FBN1: variants seen among roughly 807,000 people sequenced by gnomAD.
FBN1 encodes the protein fibrillin 1, also known as fibrillin-1.
Under a neutral mutation model 365.1 loss-of-function variants are expected in FBN1, and 29 were observed. The ratio of observed to expected loss-of-function variants is 0.08; its 90% CI spans 0.06 to 0.11. FBN1 has a LOEUF of 0.11. FBN1 is among the 10% of genes least tolerant of loss of function. FBN1 has a pLI of 1.00. For missense variants in FBN1, 2,476 were observed against 3,703.2 expected (o/e 0.67, Z 8.60); for synonymous variants, 1,210 against 1,270.5 (o/e 0.95, Z 1.01).
At chr15:48,508,007 A>T (rs899563272) in intron 15 of FBN1, among the ~76,000 whole-genome samples, 5 of 145,518 alleles carry the variant, frequency 3.4e-5, no homozygotes, top group Admixed American at 3.3e-4. Flanking sequence ...GGTTTACCAA[A>T]CTAAAAAAAT....
chr15:48,458,431 T>G (rs940700467), intron 43 of FBN1, among the ~76,000 whole-genome samples: 1 of 152,246 alleles, frequency 6.6e-6, no homozygotes, highest in African/African-American at 2.4e-5. Flanking sequence ...TACACGCAAT[T>G]ATGTCTTTAG....
intron 6 of FBN1, among the ~76,000 whole-genome samples, chr15:48,593,588 A>G (rs1010650557): frequency 2.6e-5 from 4 of 152,188 alleles, no homozygotes. Flanking sequence ...GCAAACAGCA[A>G]TTATTTCCAG....
chr15:48,414,871 G>A (rs1275464089), intron 64 of FBN1, among the ~76,000 whole-genome samples: 4 of 142,822 alleles, frequency 2.8e-5, no homozygotes, highest in East Asian at 2.1e-4. Flanking sequence ...ACTCCAGCCT[G>A]GGCGACAGAG....
intron 43 of FBN1, 95 bp downstream of exon 43, chr15:48,460,151 T>A (rs1397549560): frequency 1.2e-6 from 1 of 845,800 alleles, no homozygotes; most frequent in Non-Finnish European, 2.0e-6. Flanking sequence ...TTGTTTAATA[T>A]TTTTTTTCCT....
intron 29 of FBN1, among the ~76,000 whole-genome samples, chr15:48,486,637 A>G (rs1424170092): frequency 6.6e-6 from 1 of 152,202 alleles, no homozygotes; most frequent in Non-Finnish European, 1.5e-5. Context: ...TCTAAACCAC[A>G]TAAGGGCAGT....
At chr15:48,638,654 A>G (rs1890142970) in intron 2 of FBN1, among the ~76,000 whole-genome samples, 1 of 151,208 alleles carries the variant, frequency 6.6e-6, no homozygotes, top group African/African-American at 2.4e-5. Flanking sequence ...GCTGCAATTT[A>G]ATGTAAAAAA....
intron 63 of FBN1, among the ~76,000 whole-genome samples, chr15:48,418,695 TTTTG>T (rs561240381): frequency 6.9e-4 from 105 of 152,280 alleles, no homozygotes; most frequent in African/African-American, 2.3e-3. Flanking sequence ...TTGGTGAGGG[TTTTG>T]TTTGTTTTAT....
intron 17 of FBN1, 86 bp downstream of exon 17, chr15:48,503,701 A>T (rs1003523935): frequency 2.4e-5 from 38 of 1,585,182 alleles, no homozygotes; most frequent in Non-Finnish European, 3.2e-5. Flanking sequence ...GCAAAATGTC[A>T]TCTTCCCTGT....
chr15:48,615,399 G>A (rs1399360311), intron 2 of FBN1, among the ~76,000 whole-genome samples: 1 of 151,972 alleles, frequency 6.6e-6, no homozygotes, highest in Non-Finnish European at 1.5e-5. Flanking sequence ...AGAAACAAAG[G>A]ATCCAGAATA....
chr15:48,636,704 C>T (rs1164597958), intron 2 of FBN1, among the ~76,000 whole-genome samples: 3 of 152,152 alleles, frequency 2.0e-5, no homozygotes, highest in Non-Finnish European at 4.4e-5. Context: ...CCCAAGTAAA[C>T]AGGGCTGCAG....
chr15:48,484,928 A>T (rs2043493283), intron 30 of FBN1, among the ~76,000 whole-genome samples: 1 of 152,200 alleles, frequency 6.6e-6, no homozygotes. Context: ...ATTTGGAGAG[A>T]TTGTGAAAAC....
At chr15:48,595,290 C>A (rs1446948636) in intron 6 of FBN1, among the ~76,000 whole-genome samples, 1 of 152,222 alleles carries the variant, frequency 6.6e-6, no homozygotes, top group East Asian at 1.9e-4. Context: ...TATTCAACAT[C>A]TGCTACTGAA....
At chr15:48,493,544 G>A (rs1295474676) in intron 23 of FBN1, among the ~76,000 whole-genome samples, 6 of 152,152 alleles carry the variant, frequency 3.9e-5, no homozygotes, top group Non-Finnish European at 7.4e-5. Flanking sequence ...TTAACAGCGG[G>A]TCTGGACCAG....
chr15:48,568,320 TA>T (rs1033492564), intron 6 of FBN1, among the ~76,000 whole-genome samples: 2 of 152,064 alleles, frequency 1.3e-5, no homozygotes, highest in African/African-American at 4.8e-5. Flanking sequence ...CAAAAGTGCA[TA>T]ATTTGTGCAC....
chr15:48,601,397 A>G (rs777993792), intron 4 of FBN1, among the ~76,000 whole-genome samples: 2 of 152,238 alleles, frequency 1.3e-5, no homozygotes, highest in Non-Finnish European at 2.9e-5. Flanking sequence ...CTGCCTACAC[A>G]TGGAGGCCAG....
At chr15:48,455,235 A>G (rs1033062053) in intron 44 of FBN1, among the ~76,000 whole-genome samples, 9 of 152,212 alleles carry the variant, frequency 5.9e-5, no homozygotes, top group African/African-American at 2.2e-4. Context: ...CTCAATATCC[A>G]CAGAATGCTA....
intron 50 of FBN1, among the ~76,000 whole-genome samples, chr15:48,440,450 C>A (rs146936851): frequency 6.6e-6 from 1 of 152,134 alleles, no homozygotes; most frequent in African/African-American, 2.4e-5. Flanking sequence ...TCAGGCCAAG[C>A]CAAAGGCACA....
At chr15:48,518,228 T>C (rs1006262519) in intron 10 of FBN1, among the ~76,000 whole-genome samples, 2 of 152,224 alleles carry the variant, frequency 1.3e-5, no homozygotes, top group East Asian at 3.8e-4. Flanking sequence ...AGATTTATCA[T>C]CTGTACGTGC....
chr15:48,456,514 T>C (rs1386503654), intron 44 of FBN1, 123 bp downstream of exon 44: 1 of 1,018,316 alleles, frequency 9.8e-7, no homozygotes, highest in African/African-American at 1.6e-5. Context: ...CACCATGCCC[T>C]TTACTATTTC....
Sources: allele counts gnomAD v4.1 joint callset (sites outside exome capture counted in the v4.1 genomes callset), GRCh38; gene constraint gnomAD v4.1.1; transcripts MANE v1.5; gene names NCBI Gene and HGNC (gene_info 2026-07-23, HGNC 2026-07-21).